The following NBEA variants were observed in gnomAD, a reference collection of about 807,000 sequenced individuals.
The protein encoded by NBEA is neurobeachin, also known as lysosomal-trafficking regulator 2.
A neutral mutation model predicts 343.4 loss-of-function variants in NBEA; 44 were observed. The observed-to-expected ratio is 0.13, with a 90% confidence interval of 0.10 to 0.16. The LOEUF (loss-of-function observed/expected upper bound fraction) is 0.16, where lower values mean the gene tolerates loss of function less well. Among genes scored for constraint, NBEA ranks in the 10% least tolerant of loss-of-function variants. The pLI is 1.00. For missense variants in NBEA, 2,555 were observed against 3,631.3 expected (o/e 0.70, Z 7.62); for synonymous variants, 1,175 against 1,238.7 (o/e 0.95, Z 1.08).
intron 1 of NBEA, among the ~76,000 whole-genome samples, chr13:34,973,289 T>C (rs543894514): frequency 1.3e-5 from 2 of 152,232 alleles, no homozygotes; most frequent in East Asian, 3.9e-4. Context: ...ATTGGAGACC[T>C]GCTAAGGAAG....
chr13:35,071,085 T>A, intron 10 of NBEA: 1 of 325,398 alleles, frequency 3.1e-6, no homozygotes, highest in Non-Finnish European at 5.4e-6. Flanking sequence ...AATAGAAAAT[T>A]CTTACCAAAG....
chr13:35,198,894 G>A (rs200815908), intron 31 of NBEA, among the ~76,000 whole-genome samples: 3 of 151,688 alleles, frequency 2.0e-5, no homozygotes, highest in Admixed American at 1.3e-4. Flanking sequence ...GAGTTGCCAC[G>A]GCAAAGAGTA....
chr13:35,387,302 A>G (rs187826340), intron 38 of NBEA, among the ~76,000 whole-genome samples: 221 of 152,260 alleles, frequency 1.5e-3, no homozygotes, highest in African/African-American at 5.1e-3. Flanking sequence ...CTCAACTGGA[A>G]GGTTAAGACA....
rs1437978995 is a variant in NBEA, at chr13:35,319,981, A to G, written c.5903+10389A>G. On this transcript the variant is annotated intron_variant, in intron 36 of 58. Coordinates refer to ENST00000379939, the MANE Select transcript of NBEA (RefSeq NM_001385012.1). ...CCCCATCCCTTTATTTTGAGTCTATATGTGACTTTGCACGTATGATGGGTC... is the reference window on the plus strand; with the variant it reads ...CCCCATCCCTTTATTTTGAGTCTATGTGTGACTTTGCACGTATGATGGGTC... Among the ~76,000 whole-genome samples the G allele has an allele frequency of 2.6e-5, 4 of 151,764 alleles. No homozygotes were observed. In the East Asian group the frequency reaches 5.8e-4, roughly 22 times the overall value.
intron 36 of NBEA, among the ~76,000 whole-genome samples, chr13:35,314,309 G>T (rs537662745): frequency 6.6e-6 from 1 of 152,244 alleles, no homozygotes; most frequent in African/African-American, 2.4e-5. Context: ...CAGGCAATTT[G>T]GGGGAGCCAA....
chr13:34,949,511 C>G (rs1285165365), intron 1 of NBEA, among the ~76,000 whole-genome samples: 1 of 152,128 alleles, frequency 6.6e-6, no homozygotes, highest in Non-Finnish European at 1.5e-5. Flanking sequence ...GTTATGGAGG[C>G]TAATAAGTGA....
chr13:35,646,214 C>T (rs2153076613), intron 50 of NBEA, 45 bp from the exon 51 acceptor site: 3 of 1,424,484 alleles, frequency 2.1e-6, no homozygotes, highest in Non-Finnish European at 3.0e-6. Flanking sequence ...TGGCCTCTCT[C>T]TTTGATGCAT....
Position 35,196,253 on chromosome 13 carries a change from AAGAG to A in NBEA, c.5321_5324del (p.Arg1774LysfsTer21). The A allele has an allele frequency of 6.2e-7, 1 of 1,613,564 alleles. No homozygotes were observed. The highest frequency in any genetic ancestry group is 8.5e-7 in the Non-Finnish European group (1 of 1,179,670). On this transcript the variant is annotated frameshift_variant, in exon 31 of 59. Transcript: ENST00000379939. LOFTEE classifies it high-confidence loss of function. ...TATCCCATACCCAGATCCAGCATTG[AAGAG>A]AGAAACACAAGCTATTCTTCCTATG...
intron 41 of NBEA, chr13:35,476,484 C>G (rs2075879340): frequency 1.3e-6 from 1 of 746,236 alleles, no homozygotes; most frequent in Non-Finnish European, 2.2e-6. Context: ...ATCACCTTCT[C>G]AGGAATAAAA....
chr13:35,222,937 G>C (rs1393077160), intron 33 of NBEA, among the ~76,000 whole-genome samples: 1 of 152,096 alleles, frequency 6.6e-6, no homozygotes, highest in Admixed American at 6.6e-5. Flanking sequence ...GAGAGTACTA[G>C]CCTGGCCAAC....
chr13:35,524,423 T>TC (rs2077871396), intron 41 of NBEA, among the ~76,000 whole-genome samples: 1 of 152,036 alleles, frequency 6.6e-6, no homozygotes, highest in Non-Finnish European at 1.5e-5. Context: ...TTTCTCCCAT[T>TC]CCCCCAAGTA....
At position 35,550,498 on chromosome 13, in the gene NBEA, C is replaced by G. The variant is rs1305965796; in HGVS notation, c.6607C>G (p.Leu2203Val). The change falls in exon 42 of 59, where the codon CTT becomes GTT. Residue 2203 changes from leucine to valine, a missense_variant. Physicochemically the swap from Leu to Val is conservative, Grantham distance 32. Coordinates refer to ENST00000379939, the MANE Select transcript of NBEA (RefSeq NM_001385012.1). ...DTKVLAYTEGLHGKWMFSEIR... is the reference protein window; with the variant it reads ...DTKVLAYTEGVHGKWMFSEIR... ...TTAGGTTCTTGCATACACTGAGGGA[C>G]TTCACGGAAAATGGATGTTCAGCGA... is the stretch of plus-strand genomic sequence containing the variant. 1 of 1,612,138 alleles carries G rather than the reference C, an allele frequency of 6.2e-7. No homozygotes were observed. Among genetic ancestry groups the G allele is most frequent in the South Asian group, 1.1e-5 (1 of 90,980 alleles).
intron 49 of NBEA, among the ~76,000 whole-genome samples, chr13:35,640,113 G>T (rs1333989251): frequency 2.0e-5 from 3 of 152,120 alleles, no homozygotes. Flanking sequence ...TTACTTGGTT[G>T]CCACATTTAA....
At chr13:35,544,388 C>G (rs2078971323) in intron 41 of NBEA, among the ~76,000 whole-genome samples, 1 of 151,940 alleles carries the variant, frequency 6.6e-6, no homozygotes, top group Non-Finnish European at 1.5e-5. Flanking sequence ...TTAAGTTGCA[C>G]AATATTTAGC....
At chr13:35,488,717 C>T (rs1247934575) in intron 41 of NBEA, among the ~76,000 whole-genome samples, 1 of 151,710 alleles carries the variant, frequency 6.6e-6, no homozygotes, top group Non-Finnish European at 1.5e-5. Flanking sequence ...TAACTTGAAG[C>T]CAATGTGAAA....
intron 41 of NBEA, among the ~76,000 whole-genome samples, chr13:35,526,884 T>G (rs2078000753): frequency 6.6e-6 from 1 of 152,102 alleles, no homozygotes; most frequent in African/African-American, 2.4e-5. Context: ...GCAAGTGGCT[T>G]CAATGATGGG....
At chr13:35,005,031 A>T (rs2061270268) in intron 1 of NBEA, among the ~76,000 whole-genome samples, 1 of 152,152 alleles carries the variant, frequency 6.6e-6, no homozygotes, top group Non-Finnish European at 1.5e-5. Flanking sequence ...TTAAGTTGAT[A>T]CTGATTATCA....
chr13:35,173,335 G>C, intron 26 of NBEA, 129 bp from the exon 27 acceptor site: 1 of 766,938 alleles, frequency 1.3e-6, no homozygotes, highest in Non-Finnish European at 1.9e-6. Context: ...TATTGATCTA[G>C]TTGATTTTAA....
chr13:34,983,564 A>G (rs2060437228), intron 1 of NBEA, among the ~76,000 whole-genome samples: 1 of 152,142 alleles, frequency 6.6e-6, no homozygotes, highest in Non-Finnish European at 1.5e-5. Context: ...GTCAAATGAT[A>G]TTTCTAATTC....
Sources: gnomAD v4.1 joint callset for allele counts (sites outside exome capture counted in the v4.1 genomes callset) on GRCh38, gnomAD v4.1.1 for gene constraint, MANE v1.5 for transcripts, NCBI Gene and HGNC (gene_info 2026-07-23, HGNC 2026-07-21) for gene names.